VPS13A: variants seen among roughly 807,000 people sequenced by gnomAD.
The protein encoded by VPS13A is vacuolar protein sorting 13 homolog A.
VPS13A carries 264 observed loss-of-function variants against 390.9 expected under a neutral mutation model. The observed-to-expected ratio is 0.68, with a 90% CI of 0.61 to 0.75. VPS13A has a LOEUF of 0.75. Ranked by LOEUF, VPS13A falls within the 30% of genes least tolerant of loss-of-function variation. VPS13A has a pLI of 0.00. For synonymous variants in VPS13A, 1,231 were observed against 1,227.1 expected (o/e 1.00, Z -0.07); for missense variants, 3,409 against 3,733.9 (o/e 0.91, Z 2.27).
chr9:77,217,353 C>T (rs1317951208), intron 10 of VPS13A, among the ~76,000 whole-genome samples: 1 of 152,068 alleles, frequency 6.6e-6, no homozygotes, highest in Non-Finnish European at 1.5e-5. Flanking sequence ...GAGTACAATC[C>T]TTACATGGAT....
chr9:77,382,135 G>C lies in VPS13A; in HGVS notation c.9189+48G>C, dbSNP rs1389213632. The C allele has an allele frequency of 2.0e-6, 3 of 1,507,752 alleles. No homozygotes were observed. In the South Asian group the frequency reaches 3.7e-5, roughly 19 times the overall value. 93.4% of individuals were successfully genotyped at this position (1,507,752 alleles called of 1,614,324 possible). ...AATTAAGATTAATTTAGTCAAGTTA[G>C]ATTTTTTTTAAGTAGCCATTTAATA... On this transcript the variant is annotated intron_variant, in intron 68 of 71. Transcript: ENST00000360280.
rs1340750338 is a variant in VPS13A, at chr9:77,318,542, G to A, written c.5264G>A (p.Gly1755Asp). ...GCAAAGTCACGTTTTTCAGGGGAAG[G>A]CAAAAACTGGAGTTCCCTAATAAAT... ...LLAKSRFSGE[G>D]KNWSSLINLH... Residue 1755 changes from glycine (G) to aspartate (D), a missense_variant, in exon 41 of 72, where the codon GGC becomes GAC. This residue lies in a region of VPS13A where 2,717 missense variants were observed against 2,917.4 expected (regional missense o/e 0.93). Coordinates refer to ENST00000360280, the MANE Select transcript of VPS13A (RefSeq NM_033305.3). 1.9e-6 allele frequency: 3 copies of A among 1,613,658 alleles called. No individual in the cohort carries two copies. In the Admixed American group the frequency reaches 5.0e-5, roughly 27 times the overall value.
chr9:77,341,296 A>T (rs1046735492), intron 50 of VPS13A, among the ~76,000 whole-genome samples: 8 of 152,024 alleles, frequency 5.3e-5, no homozygotes, highest in Non-Finnish European at 1.0e-4. Flanking sequence ...CCTCCCATTT[A>T]TGGGAGCTCT....
intron 13 of VPS13A, among the ~76,000 whole-genome samples, chr9:77,224,174 A>G (rs1414036963): frequency 6.6e-6 from 1 of 152,212 alleles, no homozygotes; most frequent in African/African-American, 2.4e-5. Context: ...CAATGCACCT[A>G]GTCACCAAAA....
At position 77,411,660 on chromosome 9, in the gene VPS13A, C is replaced by CAAAAAAAAAAAAAAAAAAAA. The variant is rs1169254413; in HGVS notation, c.9474+4059_9474+4078dup. On this transcript the variant is annotated intron_variant, in intron 71 of 71. Coordinates refer to ENST00000360280, the MANE Select transcript of VPS13A (RefSeq NM_033305.3). ...CCTAGGCAACAGCAAAACTCCATCTCAAAAAAAAAAAAAAAAAAAAAAAAA... is the reference window on the plus strand; with the variant it reads ...CCTAGGCAACAGCAAAACTCCATCTCAAAAAAAAAAAAAAAAAAAAAAAAAAAAAAAAAAAAAAAAAAAAA... Among the ~76,000 whole-genome samples the CAAAAAAAAAAAAAAAAAAAA allele has an allele frequency of 8.6e-4, 29 of 33,916 alleles. 1 individual carries two copies. Among genetic ancestry groups the CAAAAAAAAAAAAAAAAAAAA allele is most frequent in the African/African-American group, 1.4e-3 (12 of 8,330 alleles). The allele number at this position is 33,916 out of a possible 152,430, so 22.3% of individuals were successfully genotyped here. A position where few individuals can be genotyped will look rare whatever the true frequency, so the allele number is the denominator to read the frequency against.
In VPS13A at chr9:77,276,050, T is replaced by C; in HGVS notation, c.2668-15T>C. Reference sequence around the variant, plus strand: ...GTTTTATGTAGTGGTAATTTCTTTTTTCTTTCTTCTCCAGGTTTTGATCGA... The same window carrying C: ...GTTTTATGTAGTGGTAATTTCTTTTCTCTTTCTTCTCCAGGTTTTGATCGA... On this transcript the variant is annotated splice_polypyrimidine_tract_variant and intron_variant, in intron 25 of 71. Coordinates refer to ENST00000360280, the MANE Select transcript of VPS13A (RefSeq NM_033305.3). 2 of 1,609,606 alleles carry C rather than the reference T, an allele frequency of 1.2e-6. No individual in the cohort carries two copies. Among genetic ancestry groups the C allele is most frequent in the South Asian group, 2.2e-5 (2 of 91,052 alleles).
Position 77,407,269 on chromosome 9 carries a change from G to T in VPS13A, c.9400-264G>T, listed in dbSNP as rs375046281. ...TTACCTCCTTCCCATCCTTTATGTC[G>T]ACTCTTTATGGCATTAGCAATTAAA... is the stretch of plus-strand genomic sequence containing the variant. On this transcript the variant is annotated intron_variant, in intron 70 of 71. Coordinates refer to ENST00000360280, the MANE Select transcript of VPS13A (RefSeq NM_033305.3). Among the ~76,000 whole-genome samples, 10 of 152,168 alleles carry T rather than the reference G, an allele frequency of 6.6e-5. No homozygotes were observed. In the South Asian group the frequency reaches 1.2e-3, roughly 19 times the overall value.
chr9:77,396,033 T>C (rs1273152284), intron 68 of VPS13A, among the ~76,000 whole-genome samples: 1 of 152,144 alleles, frequency 6.6e-6, no homozygotes, highest in Non-Finnish European at 1.5e-5. Flanking sequence ...GACCCGTAAA[T>C]GTTGATCCAT....
chr9:77,366,106 T>A (rs761486089), intron 60 of VPS13A, among the ~76,000 whole-genome samples: 1 of 152,124 alleles, frequency 6.6e-6, no homozygotes, highest in Non-Finnish European at 1.5e-5. Context: ...TTTCAGCTTA[T>A]GACAGAGTTA....
intron 31 of VPS13A, among the ~76,000 whole-genome samples, chr9:77,290,041 C>T (rs755074481): frequency 6.6e-6 from 1 of 152,180 alleles, no homozygotes; most frequent in Non-Finnish European, 1.5e-5. Context: ...CTAGGCCCCC[C>T]AGAGTGCTGG....
At chr9:77,196,390 A>G (rs1825003985) in intron 1 of VPS13A, among the ~76,000 whole-genome samples, 1 of 152,198 alleles carries the variant, frequency 6.6e-6, no homozygotes, top group African/African-American at 2.4e-5. Context: ...ATTGTTAACC[A>G]TAGTCACTCT....
chr9:77,293,379 A>C lies in VPS13A; in HGVS notation c.3378A>C (p.Lys1126Asn). 6.2e-7 allele frequency: 1 copy of C among 1,613,412 alleles called. No individual in the cohort carries two copies. Among genetic ancestry groups the C allele is most frequent in the Non-Finnish European group, 8.5e-7 (1 of 1,179,680 alleles). Residue 1126 changes from lysine (K) to asparagine (N), a missense_variant, in exon 32 of 72, where the codon AAA becomes AAC. Around this residue, in one of 5 missense-constraint regions of VPS13A, gnomAD observed 2,717 missense variants for 2,917.4 expected, o/e 0.93. Coordinates refer to ENST00000360280, the MANE Select transcript of VPS13A (RefSeq NM_033305.3). ...YITGKEVFSF[K>N]MVSYMDATAG... ...CTGGAAAAGAAGTTTTCAGCTTCAA[A>C]ATGGTTTCTTACATGGATGCAACTG...
intron 67 of VPS13A, among the ~76,000 whole-genome samples, chr9:77,379,640 C>T (rs548572692): frequency 6.6e-6 from 1 of 152,288 alleles, no homozygotes; most frequent in Admixed American, 6.5e-5. Flanking sequence ...TCGCAAAGTG[C>T]TGGGATTACA....
chr9:77,304,982 A>G (rs186763943), intron 34 of VPS13A, among the ~76,000 whole-genome samples: 2,294 of 147,906 alleles, frequency 0.016, 58 homozygotes, highest in African/African-American at 0.054. Context: ...TCTGTTGCCC[A>G]GGCTGGAGTG....
intron 23 of VPS13A, among the ~76,000 whole-genome samples, chr9:77,265,159 A>G (rs1452447950): frequency 6.6e-6 from 1 of 152,078 alleles, no homozygotes; most frequent in Non-Finnish European, 1.5e-5. Flanking sequence ...CTTGATTGTG[A>G]TGGATAAGCT....
chr9:77,267,219 G>A (rs375303671), intron 23 of VPS13A, among the ~76,000 whole-genome samples: 1 of 152,118 alleles, frequency 6.6e-6, no homozygotes, highest in Non-Finnish European at 1.5e-5. Context: ...GCAAGGAGTT[G>A]TGATCCTTTG....
intron 59 of VPS13A, among the ~76,000 whole-genome samples, chr9:77,363,358 G>A (rs1361798934): frequency 7.0e-6 from 1 of 142,150 alleles, no homozygotes; most frequent in Non-Finnish European, 1.6e-5. Context: ...CACTTTTTGG[G>A]TTTTGTTCTA....
rs964503028 is a variant in VPS13A at position 77,315,234 on chromosome 9, T to C, written c.4413-19T>C. Reference sequence around the variant, plus strand: ...CTAAGTTACTCATACATAGGAATTGTTGTTATTGTGTTTTCCAGAATGATA... The same window carrying C: ...CTAAGTTACTCATACATAGGAATTGCTGTTATTGTGTTTTCCAGAATGATA... On this transcript the variant is annotated intron_variant, in intron 37 of 71. Coordinates refer to ENST00000360280, the MANE Select transcript of VPS13A (RefSeq NM_033305.3). 4 of 1,604,220 alleles carry C rather than the reference T, an allele frequency of 2.5e-6. No homozygotes were observed. The highest frequency in any genetic ancestry group is 3.4e-6 in the Non-Finnish European group (4 of 1,171,486).
Position 77,220,038 on chromosome 9 carries a change from A to G in VPS13A, c.839A>G (p.Glu280Gly). The G allele has an allele frequency of 6.2e-7, 1 of 1,612,672 alleles. No homozygotes were observed. Among genetic ancestry groups the G allele is most frequent in the Non-Finnish European group, 8.5e-7 (1 of 1,178,862 alleles). Residue 280 changes from glutamate to glycine, a missense_variant, in exon 11 of 72, where the codon GAA becomes GGA. Transcript: ENST00000360280. Reference sequence around the variant, plus strand: ...TTTTCTGCCCCCAAAATAAACTTGGAAATTGAGTTACATAACATAGCAATT... The same window carrying G: ...TTTTCTGCCCCCAAAATAAACTTGGGAATTGAGTTACATAACATAGCAATT... ...FDFSAPKINL[E>G]IELHNIAIEF...
Sources: allele counts gnomAD v4.1 joint callset (sites outside exome capture counted in the v4.1 genomes callset), GRCh38; gene constraint gnomAD v4.1.1; regional missense constraint gnomAD v4.1.1; transcripts MANE v1.5; gene names NCBI Gene and HGNC (gene_info 2026-07-23, HGNC 2026-07-21).